CEP112: variants seen among roughly 807,000 people sequenced by gnomAD.
CEP112 encodes the protein centrosomal protein of 112 kDa.
A neutral mutation model predicts 153.0 loss-of-function variants in CEP112; 127 were observed. That is an observed-to-expected ratio of 0.83 (90% CI 0.72 to 0.96). The LOEUF (loss-of-function observed/expected upper bound fraction) is 0.96, where lower values mean the gene tolerates loss of function less well. CEP112 is among the 40% of genes least tolerant of loss of function. CEP112 has a pLI of 0.00. For missense variants in CEP112, 1,089 were observed against 1,101.2 expected (o/e 0.99, Z 0.16); for synonymous variants, 358 against 374.4 (o/e 0.96, Z 0.51).
chr17:65,706,759 A>G (rs547468340), intron 23 of CEP112, among the ~76,000 whole-genome samples: 1 of 152,148 alleles, frequency 6.6e-6, no homozygotes, highest in African/African-American at 2.4e-5. Context: ...GGCCTTCCAA[A>G]TATTTCTCCT....
chr17:66,106,282 T>C (rs902287494), intron 6 of CEP112, among the ~76,000 whole-genome samples: 1 of 151,530 alleles, frequency 6.6e-6, no homozygotes, highest in Non-Finnish European at 1.5e-5. Context: ...CCAAAATTAG[T>C]AGAACAGAAA....
chr17:65,674,078 T>C (rs897966217), intron 24 of CEP112, among the ~76,000 whole-genome samples: 2 of 152,182 alleles, frequency 1.3e-5, no homozygotes, highest in Non-Finnish European at 1.5e-5. Context: ...GGTTTCACCA[T>C]GTTAGTCAGG....
At chr17:65,749,445 T>C (rs2051679826) in intron 22 of CEP112, among the ~76,000 whole-genome samples, 1 of 151,850 alleles carries the variant, frequency 6.6e-6, no homozygotes, top group Admixed American at 6.6e-5. Context: ...GAGGTGGAGC[T>C]TGCAGTGAGC....
At chr17:65,998,519 T>C (rs2063884754) in intron 17 of CEP112, among the ~76,000 whole-genome samples, 1 of 151,060 alleles carries the variant, frequency 6.6e-6, no homozygotes, top group East Asian at 1.9e-4. Flanking sequence ...GTGTGAGAAT[T>C]GTACCTCAAT....
At chr17:65,971,881 C>A (rs1240217396) in intron 17 of CEP112, among the ~76,000 whole-genome samples, 3 of 152,030 alleles carry the variant, frequency 2.0e-5, no homozygotes, top group Non-Finnish European at 4.4e-5. Context: ...GAAACAAATG[C>A]TGAAAATAAA....
At chr17:65,703,523 GAAAA>G (rs35175056) in intron 23 of CEP112, among the ~76,000 whole-genome samples, 2 of 125,642 alleles carry the variant, frequency 1.6e-5, no homozygotes, top group African/African-American at 3.1e-5. Flanking sequence ...AAAAAAGAAG[GAAAA>G]AAAAAAAAAA....
rs777326960 is a variant in CEP112, at chr17:66,096,571, G to A, written c.690+14C>T. On this transcript the variant is annotated intron_variant, in intron 7 of 26. Coordinates refer to ENST00000535342, the MANE Select transcript of CEP112 (RefSeq NM_001199165.4). ...ACCTGCCCCTAGAAAAAGTCCAATGGATTTCTCACATACCAGAGAAACTGG... is the reference window on the plus strand; with the variant it reads ...ACCTGCCCCTAGAAAAAGTCCAATGAATTTCTCACATACCAGAGAAACTGG... The A allele has an allele frequency of 6.4e-7, 1 of 1,566,334 alleles. No homozygotes were observed. The highest frequency in any genetic ancestry group is 1.2e-5 in the South Asian group (1 of 86,752).
chr17:66,053,502 AAAT>A (rs3056815), intron 12 of CEP112, among the ~76,000 whole-genome samples: 62,321 of 151,292 alleles, frequency 0.41, 14,270 homozygotes, highest in East Asian at 0.87. Context: ...ATAAAAGTAA[AAAT>A]AATAATAATA....
At chr17:65,840,450 T>C (rs1006131525) in intron 21 of CEP112, among the ~76,000 whole-genome samples, 2 of 152,024 alleles carry the variant, frequency 1.3e-5, no homozygotes, top group African/African-American at 2.4e-5. Context: ...TGGATACCCA[T>C]ATTTAGAAGA....
chr17:65,963,638 T>C (rs2062296456), intron 17 of CEP112, among the ~76,000 whole-genome samples: 1 of 151,726 alleles, frequency 6.6e-6, no homozygotes, highest in African/African-American at 2.4e-5. Flanking sequence ...ACAATATAGA[T>C]ATATAGATAT....
chr17:65,919,094 C>A (rs540621529), intron 19 of CEP112, among the ~76,000 whole-genome samples: 3 of 152,254 alleles, frequency 2.0e-5, no homozygotes, highest in African/African-American at 7.2e-5. Flanking sequence ...ATGAATAGCA[C>A]CCCCCTGGGG....
At chr17:65,784,095 A>G (rs2054143052) in intron 21 of CEP112, among the ~76,000 whole-genome samples, 1 of 152,270 alleles carries the variant, frequency 6.6e-6, no homozygotes, top group Non-Finnish European at 1.5e-5. Flanking sequence ...CAGCACTGGA[A>G]TGAAGACAAA....
chr17:65,924,821 C>T (rs2144131291), intron 19 of CEP112, among the ~76,000 whole-genome samples: 1 of 152,216 alleles, frequency 6.6e-6, no homozygotes, highest in South Asian at 2.1e-4. Context: ...CTAGTTACTC[C>T]ACTCCTCTCA....
intron 4 of CEP112, among the ~76,000 whole-genome samples, chr17:66,166,901 CT>C (rs1391961585): frequency 1.1e-4 from 8 of 71,278 alleles, no homozygotes; most frequent in African/African-American, 2.2e-4. Flanking sequence ...AAGACTCCAT[CT>C]CAAAAAAAAA....
intron 21 of CEP112, among the ~76,000 whole-genome samples, chr17:65,816,002 G>C (rs183164199): frequency 1.3e-3 from 193 of 151,784 alleles, no homozygotes; most frequent in African/African-American, 4.5e-3. Flanking sequence ...CACTTCCTAC[G>C]ACCTCCAGTA....
At chr17:65,903,282 G>A (rs911155666) in intron 19 of CEP112, 5 of 152,280 alleles carry the variant, frequency 3.3e-5, no homozygotes, top group South Asian at 2.1e-4. Context: ...TGTTATTTTC[G>A]GCGTGAGAAT....
chr17:65,959,304 C>G lies in CEP112; in HGVS notation c.1872+2159G>C, dbSNP rs184200514. On this transcript the variant is annotated intron_variant, in intron 18 of 26. Transcript: ENST00000535342. Reference sequence around the variant, plus strand: ...CTCTCTGCTAGGAGCTGAACACTCACTGGGACACCCTGGCTGCAGAAAGGA... The same window carrying G: ...CTCTCTGCTAGGAGCTGAACACTCAGTGGGACACCCTGGCTGCAGAAAGGA... Among the ~76,000 whole-genome samples the G allele has an allele frequency of 8.7e-4, 133 of 152,316 alleles. 3 individuals are homozygous for G. The South Asian group carries it at 8.9e-3, about 10-fold the overall frequency.
chr17:66,022,504 C>T (rs1481599575), intron 16 of CEP112, among the ~76,000 whole-genome samples: 4 of 151,754 alleles, frequency 2.6e-5, no homozygotes, highest in Non-Finnish European at 4.4e-5. Context: ...GTCAGGAGAT[C>T]AAGACCACCC....
Position 65,637,154 on chromosome 17 carries a change from T to C in CEP112, c.2834A>G (p.Gln945Arg). The C allele has an allele frequency of 1.2e-6, 2 of 1,614,074 alleles. No individual in the cohort carries two copies. Among genetic ancestry groups the C allele is most frequent in the Non-Finnish European group, 1.7e-6 (2 of 1,179,912 alleles). ...NFLQKRASIL[Q>R]EELTTYQGRR ...GCCTTGATATGTAGTCAGTTCTTCC[T>C]GAAGGATGGAAGCTCTCTTTTGCAG... The change falls in exon 26 of 27, where the codon CAG (glutamine) becomes CGG (arginine). Residue 945 changes from glutamine (Q) to arginine (R), a missense_variant. Transcript: ENST00000535342.
Sources: gnomAD v4.1 joint callset for allele counts (sites outside exome capture counted in the v4.1 genomes callset) on GRCh38, gnomAD v4.1.1 for gene constraint, MANE v1.5 for transcripts, NCBI Gene and HGNC (gene_info 2026-07-23, HGNC 2026-07-21) for gene names.